The following GAB2 variants were observed in gnomAD, a reference collection of about 807,000 sequenced individuals.
GAB2 encodes the protein GRB2 associated binding protein 2, also known as GRB2-associated-binding protein 2.
A neutral mutation model predicts 65.5 loss-of-function variants in GAB2; 26 were observed. The ratio of observed to expected loss-of-function variants is 0.40; its 90% CI spans 0.29 to 0.55. The LOEUF (loss-of-function observed/expected upper bound fraction) is 0.55, where lower values mean the gene tolerates loss of function less well. Ranked by LOEUF, GAB2 falls within the 20% of genes least tolerant of loss-of-function variation. GAB2 has a pLI of 0.53. For missense variants in GAB2, 884 were observed against 875.8 expected (o/e 1.01, Z -0.12); for synonymous variants, 321 against 329.6 (o/e 0.97, Z 0.28).
chr11:78,247,615 C>T (rs955223108), intron 3 of GAB2, among the ~76,000 whole-genome samples: 1 of 152,122 alleles, frequency 6.6e-6, no homozygotes, highest in Admixed American at 6.6e-5. Context: ...TAGGAAAAGC[C>T]ATGTAAACTG....
chr11:78,286,476 G>A (rs1407426063), intron 1 of GAB2, among the ~76,000 whole-genome samples: 1 of 151,988 alleles, frequency 6.6e-6, no homozygotes, highest in Non-Finnish European at 1.5e-5. Context: ...ATGCTTATAT[G>A]TCTTTCTCCC....
At position 78,324,346 on chromosome 11, in the gene GAB2, T is replaced by C. The variant is rs113278505; in HGVS notation, c.76-43445A>G. ...ATTTACTTATGATGCTGTGATGGTGTATAATTCAGGAGACTTACACAGGGC... is the reference window on the plus strand; with the variant it reads ...ATTTACTTATGATGCTGTGATGGTGCATAATTCAGGAGACTTACACAGGGC... On this transcript the variant is annotated intron_variant, in intron 1 of 9. Transcript: ENST00000361507. Among the ~76,000 whole-genome samples, 1,423 of 152,288 alleles carry C rather than the reference T, an allele frequency of 9.3e-3. 31 individuals carry two copies. Among genetic ancestry groups the C allele is most frequent in the African/African-American group, 0.033 (1,357 of 41,554 alleles).
intron 3 of GAB2, among the ~76,000 whole-genome samples, chr11:78,241,377 T>G (rs1036445209): frequency 2.0e-5 from 3 of 151,944 alleles, no homozygotes; most frequent in African/African-American, 4.8e-5. Flanking sequence ...CATGGACACT[T>G]AACATGAGGA....
At chr11:78,229,721 A>T (rs1013159167) in intron 3 of GAB2, among the ~76,000 whole-genome samples, 23 of 152,274 alleles carry the variant, frequency 1.5e-4, no homozygotes, top group African/African-American at 5.5e-4. Context: ...TCATCTCACC[A>T]ATCTTTTCTC....
At chr11:78,243,868 G>A (rs772700737) in intron 3 of GAB2, among the ~76,000 whole-genome samples, 5 of 151,876 alleles carry the variant, frequency 3.3e-5, no homozygotes, top group African/African-American at 7.3e-5. Context: ...GAAAAAAGAT[G>A]ATTATGAACT....
intron 6 of GAB2, among the ~76,000 whole-genome samples, chr11:78,222,970 G>A (rs1270064301): frequency 6.6e-6 from 1 of 152,178 alleles, no homozygotes; most frequent in Non-Finnish European, 1.5e-5. Context: ...AGCCACAGTG[G>A]AGGAAGGTAG....
chr11:78,400,836 G>A (rs1020843533), intron 1 of GAB2, among the ~76,000 whole-genome samples: 8 of 148,844 alleles, frequency 5.4e-5, no homozygotes, highest in East Asian at 3.9e-4. Context: ...CCTAGGAGGC[G>A]GAGACTGCAG....
At chr11:78,307,214 T>C (rs946339448) in intron 1 of GAB2, among the ~76,000 whole-genome samples, 2 of 152,098 alleles carry the variant, frequency 1.3e-5, no homozygotes, top group African/African-American at 4.8e-5. Context: ...CACTACAACC[T>C]CTACAACCTC....
In GAB2 at chr11:78,397,191, C is replaced by CA. The variant is rs200506090; in HGVS notation, c.75+20454dup. Among the ~76,000 whole-genome samples the CA allele has an allele frequency of 3.7e-3, 557 of 151,822 alleles. 6 individuals are homozygous for CA. The highest frequency in any genetic ancestry group is 0.012 in the African/African-American group (500 of 41,398). ...CAAAACCTGTTGCAAAACAAACAAA[C>CA]AAAAAAAACCCAAAACCAAATCACA... On this transcript the variant is annotated intron_variant, in intron 1 of 9. Coordinates refer to ENST00000361507, the MANE Select transcript of GAB2 (RefSeq NM_080491.3).
intron 1 of GAB2, among the ~76,000 whole-genome samples, chr11:78,344,666 A>G (rs1856151653): frequency 2.0e-5 from 3 of 152,214 alleles, no homozygotes; most frequent in Admixed American, 6.5e-5. Flanking sequence ...TCATAGATCT[A>G]ACTGTAAATG....
rs905228300 is a variant in GAB2, at chr11:78,215,542, C to T, written c.*3730G>A. 1 of 152,560 alleles carries T rather than the reference C, an allele frequency of 6.6e-6. No homozygotes were observed. The highest frequency in any genetic ancestry group is 1.5e-5 in the Non-Finnish European group (1 of 68,038). 9.5% of individuals were successfully genotyped at this position (152,560 alleles called of 1,614,324 possible). Reference sequence around the variant, plus strand: ...ATTAAATGTCAATTTTAAATGGTAACAAGACAAGAACTCAAGACTGGGCTT... The same window carrying T: ...ATTAAATGTCAATTTTAAATGGTAATAAGACAAGAACTCAAGACTGGGCTT... On this transcript the variant is annotated 3_prime_UTR_variant, in exon 10 of 10. Coordinates refer to ENST00000361507, the MANE Select transcript of GAB2 (RefSeq NM_080491.3).
chr11:78,231,336 G>GTGGTGTGTGTGTGT (rs1554975133), intron 3 of GAB2, among the ~76,000 whole-genome samples: 81 of 145,898 alleles, frequency 5.6e-4, no homozygotes, highest in African/African-American at 2.0e-3. Flanking sequence ...GCGCGTGTGT[G>GTGGTGTGTGTGTGT]GTGTGTGTGT....
At chr11:78,224,612 G>C (rs2134462672) in intron 5 of GAB2, among the ~76,000 whole-genome samples, 1 of 152,222 alleles carries the variant, frequency 6.6e-6, no homozygotes, top group East Asian at 1.9e-4. Flanking sequence ...CTTTTCAGTG[G>C]GCCTGAAGCC....
intron 1 of GAB2, among the ~76,000 whole-genome samples, chr11:78,358,059 T>C (rs984003502): frequency 6.6e-6 from 1 of 151,988 alleles, no homozygotes; most frequent in African/African-American, 2.4e-5. Context: ...TGTCCATCAA[T>C]GATAGACTGG....
At chr11:78,290,649 G>A (rs1444812029) in intron 1 of GAB2, among the ~76,000 whole-genome samples, 1 of 152,152 alleles carries the variant, frequency 6.6e-6, no homozygotes, top group Non-Finnish European at 1.5e-5. Flanking sequence ...ATCACACCAG[G>A]ATTCTGCAAG....
In GAB2 at chr11:78,296,917, G is replaced by A. The variant is rs915508148; in HGVS notation, c.76-16016C>T. ...TCTAACAGATGGTGGAGGGGACAAC[G>A]GAAGCCCTCAAGCTGCTTTTGTAAG... On this transcript the variant is annotated intron_variant, in intron 1 of 9. Transcript: ENST00000361507. Among the ~76,000 whole-genome samples the A allele has an allele frequency of 2.6e-5, 4 of 152,206 alleles. No homozygotes were observed. The East Asian group carries it at 5.8e-4, about 22-fold the overall frequency.
intron 1 of GAB2, among the ~76,000 whole-genome samples, chr11:78,334,778 G>A (rs1226963524): frequency 6.6e-6 from 1 of 152,204 alleles, no homozygotes; most frequent in Non-Finnish European, 1.5e-5. Context: ...TCAGCTGTGG[G>A]ATTGCTGGAT....
rs1270178815 is a variant in GAB2, at chr11:78,218,460, T to C, written c.*812A>G. The C allele has an allele frequency of 1.3e-5, 2 of 152,532 alleles. No individual in the cohort carries two copies. The highest frequency in any genetic ancestry group is 2.9e-5 in the Non-Finnish European group (2 of 68,272). 9.4% of individuals were successfully genotyped at this position (152,532 alleles called of 1,614,324 possible). ...TAGCCCTTGGGCCTAGAGTGGCCTG[T>C]AGCTCCAGAGTTCTGGGGACCCAGA... On this transcript the variant is annotated 3_prime_UTR_variant, in exon 10 of 10. Transcript: ENST00000361507.
At chr11:78,271,157 C>T (rs540312763) in intron 2 of GAB2, among the ~76,000 whole-genome samples, 1 of 152,358 alleles carries the variant, frequency 6.6e-6, no homozygotes, top group African/African-American at 2.4e-5. Context: ...TGAGAGATGG[C>T]TCTTTTTGTG....
Sources: gnomAD v4.1 joint callset for allele counts (sites outside exome capture counted in the v4.1 genomes callset) on GRCh38, gnomAD v4.1.1 for gene constraint, MANE v1.5 for transcripts, NCBI Gene and HGNC (gene_info 2026-07-23, HGNC 2026-07-21) for gene names.